The following CLIC5 variants were observed in gnomAD, a reference collection of about 807,000 sequenced individuals.
CLIC5 encodes CLIC family member 5.
In CLIC5, 20 loss-of-function variants were observed where a neutral mutation model predicts 24.7. The ratio of observed to expected loss-of-function variants is 0.81; its 90% CI spans 0.57 to 1.18. CLIC5 has a LOEUF of 1.18. Ranked by LOEUF, CLIC5 falls within the 50% of genes most tolerant of loss-of-function variation. CLIC5 has a pLI of 0.00. For missense variants in CLIC5, 341 were observed against 326.1 expected, an observed-to-expected ratio of 1.05 and a Z score of -0.35; for synonymous variants, 159 against 135.6, an observed-to-expected ratio of 1.17 and a Z score of -1.20.
chr6:45,894,437 G>C (rs1762377521), downstream of CLIC5, among the ~76,000 whole-genome samples: 1 of 151,992 alleles, frequency 6.6e-6, no homozygotes, highest in Non-Finnish European at 1.5e-5. Context: ...GTGACCTTAA[G>C]GGCTGAATAA....
the CLIC5 span, among the ~76,000 whole-genome samples, chr6:46,094,925 C>A: frequency 3.9e-5 from 6 of 152,244 alleles, no homozygotes; most frequent in African/African-American, 1.4e-4. Flanking sequence ...CTTCTGCCTG[C>A]ACATTCACAC....
chr6:45,936,196 C>CTTTTTTT (rs60969238), intron 4 of CLIC5, among the ~76,000 whole-genome samples: 18 of 80,288 alleles, frequency 2.2e-4, no homozygotes, highest in Admixed American at 3.2e-4. Flanking sequence ...CAACGGCTGA[C>CTTTTTTT]TTTTTTTTTT....
At chr6:46,095,235 G>A in the CLIC5 span, among the ~76,000 whole-genome samples, 2 of 152,180 alleles carry the variant, frequency 1.3e-5, no homozygotes, top group South Asian at 2.1e-4. Flanking sequence ...TCTCTGAAAT[G>A]CCTTCAAGGC....
intron 1 of CLIC5, chr6:46,014,449 C>T (rs547283355): frequency 6.6e-6 from 1 of 152,310 alleles, no homozygotes; most frequent in Non-Finnish European, 1.5e-5. Context: ...TGACTCTTCC[C>T]TTCTCAGCGA....
At chr6:46,003,991 G>A (rs1766451785) in intron 1 of CLIC5, among the ~76,000 whole-genome samples, 1 of 152,114 alleles carries the variant, frequency 6.6e-6, no homozygotes, top group South Asian at 2.1e-4. Flanking sequence ...AAGGATAAGA[G>A]ACCCAAAAAT....
upstream of CLIC5, among the ~76,000 whole-genome samples, chr6:46,082,967 A>T (rs938581271): frequency 1.3e-5 from 2 of 152,234 alleles, no homozygotes; most frequent in African/African-American, 2.4e-5. Flanking sequence ...TACCTAGAAC[A>T]GTGTCTGGTA....
intron 1 of CLIC5, among the ~76,000 whole-genome samples, chr6:46,076,283 C>T (rs146292491): frequency 2.0e-5 from 3 of 152,332 alleles, no homozygotes; most frequent in Admixed American, 2.0e-4. Flanking sequence ...GCCTACTTAC[C>T]GTCACTCTCC....
intron 1 of CLIC5, among the ~76,000 whole-genome samples, chr6:45,988,857 C>T (rs1765831791): frequency 6.6e-6 from 1 of 152,196 alleles, no homozygotes; most frequent in African/African-American, 2.4e-5. Flanking sequence ...CTGCCAGACT[C>T]CGACCTCTGG....
At chr6:45,983,058 G>T (rs1277572785) in intron 1 of CLIC5, among the ~76,000 whole-genome samples, 1 of 152,194 alleles carries the variant, frequency 6.6e-6, no homozygotes, top group African/African-American at 2.4e-5. Flanking sequence ...TCTGGGAAAT[G>T]GAAGAAAATG....
intron 1 of CLIC5, among the ~76,000 whole-genome samples, chr6:46,015,162 G>T (rs1766953315): frequency 6.6e-6 from 1 of 152,226 alleles, no homozygotes; most frequent in Admixed American, 6.5e-5. Flanking sequence ...ACCTGGAGAC[G>T]TCTTTCAGGA....
At chr6:45,969,618 T>A (rs1250106077) in intron 1 of CLIC5, among the ~76,000 whole-genome samples, 1 of 152,130 alleles carries the variant, frequency 6.6e-6, no homozygotes, top group African/African-American at 2.4e-5. Context: ...AATTTAGACA[T>A]AATCAGGGAA....
intron 1 of CLIC5, among the ~76,000 whole-genome samples, chr6:45,991,942 T>C (rs1765957411): frequency 1.3e-5 from 2 of 152,194 alleles, no homozygotes; most frequent in South Asian, 4.1e-4. Context: ...GTGCATACCA[T>C]CTACTTCCTA....
intron 1 of CLIC5, among the ~76,000 whole-genome samples, chr6:46,069,568 A>C (rs944615855): frequency 8.5e-5 from 13 of 152,134 alleles, no homozygotes; most frequent in African/African-American, 3.1e-4. Flanking sequence ...ATCGGTAATA[A>C]ATAGCCTGCC....
chr6:45,920,290 G>A (rs546622329), intron 4 of CLIC5: 1 of 984,620 alleles, frequency 1.0e-6, no homozygotes, highest in African/African-American at 1.7e-5. Flanking sequence ...CCTGTACTAG[G>A]GGCCAGTGCT....
At chr6:46,040,140 T>A (rs1767766436) in intron 1 of CLIC5, among the ~76,000 whole-genome samples, 1 of 152,226 alleles carries the variant, frequency 6.6e-6, no homozygotes, top group African/African-American at 2.4e-5. Flanking sequence ...TGGCACATAT[T>A]GAATGTTTCC....
intron 4 of CLIC5, among the ~76,000 whole-genome samples, chr6:45,933,058 C>G (rs1763799924): frequency 6.6e-6 from 1 of 152,180 alleles, no homozygotes; most frequent in African/African-American, 2.4e-5. Context: ...TTCTATGTGG[C>G]AGGGACAATC....
intron 1 of CLIC5, among the ~76,000 whole-genome samples, chr6:45,963,277 C>G (rs937610878): frequency 3.9e-5 from 6 of 152,114 alleles, no homozygotes; most frequent in Admixed American, 3.3e-4. Flanking sequence ...CTGCAGCCTC[C>G]CTTGCCACTT....
In CLIC5 at chr6:45,898,652, A is replaced by G. The variant is rs1219427901; in HGVS notation, c.*4436T>C. On this transcript the variant is annotated 3_prime_UTR_variant, in exon 6 of 6. Coordinates refer to ENST00000339561, the MANE Select transcript of CLIC5 (RefSeq NM_016929.5). ...GTTAAAGGTCTCGAGAAAATCAAGT[A>G]ACTATCATTTGGAGTGTCTTTGTAA... is the stretch of plus-strand genomic sequence containing the variant. 1 of 152,658 alleles carries G rather than the reference A, an allele frequency of 6.6e-6. No homozygotes were observed. Among genetic ancestry groups the G allele is most frequent in the Non-Finnish European group, 1.5e-5 (1 of 68,046 alleles). The allele number at this position is 152,658 out of a possible 1,614,324, so 9.5% of individuals were successfully genotyped here.
rs577834707 is a variant in CLIC5, at chr6:46,040,615, G to C, written c.540+39088C>G. ...GTTCGTGAAGTTGATGATGGTGGTGGTGGATGACGATGTTGTTGGTAGTGA... is the reference window on the plus strand; with the variant it reads ...GTTCGTGAAGTTGATGATGGTGGTGCTGGATGACGATGTTGTTGGTAGTGA... On this transcript the variant is annotated intron_variant, in intron 1 of 5. Transcript: ENST00000185206. Among the ~76,000 whole-genome samples the C allele has an allele frequency of 2.2e-3, 330 of 152,218 alleles. 1 individual carries two copies. Among genetic ancestry groups the C allele is most frequent in the Non-Finnish European group, 3.2e-3 (217 of 68,016 alleles).
Sources: allele counts gnomAD v4.1 joint callset (sites outside exome capture counted in the v4.1 genomes callset), GRCh38; gene constraint gnomAD v4.1.1; transcripts MANE v1.5; gene names NCBI Gene and HGNC (gene_info 2026-07-23, HGNC 2026-07-21).